PLXNA4: variants seen among roughly 807,000 people sequenced by gnomAD.
PLXNA4 encodes the protein plexin-A4.
In PLXNA4, 44 loss-of-function variants were observed where a neutral mutation model predicts 191.8. The ratio of observed to expected loss-of-function variants is 0.23; its 90% CI spans 0.18 to 0.29. The LOEUF is 0.29. Ranked by LOEUF, PLXNA4 falls within the 10% of genes least tolerant of loss-of-function variation. The pLI is 1.00. For missense variants in PLXNA4, 1,800 were observed against 2,488.8 expected (o/e 0.72, Z 5.89); for synonymous variants, 1,082 against 1,009.5 (o/e 1.07, Z -1.36).
intron 2 of PLXNA4, among the ~76,000 whole-genome samples, chr7:132,592,663 A>G (rs1434761749): frequency 3.3e-5 from 5 of 152,040 alleles, no homozygotes; most frequent in Non-Finnish European, 7.4e-5. Context: ...AATAAGAAAT[A>G]AGCCTCCAGA....
chr7:132,180,569 G>T lies in PLXNA4; in HGVS notation c.3639+17C>A, dbSNP rs200453597. 6 of 1,613,878 alleles carry T rather than the reference G, an allele frequency of 3.7e-6. No homozygotes were observed. Among genetic ancestry groups the T allele is most frequent in the Admixed American group, 1.7e-5 (1 of 59,994 alleles). ...CTACTGCCCGCTCCATCCAGGATGGGGTTCTGCCAGCCTCACCATCACTTT... is the reference window on the plus strand; with the variant it reads ...CTACTGCCCGCTCCATCCAGGATGGTGTTCTGCCAGCCTCACCATCACTTT... On this transcript the variant is annotated intron_variant, in intron 19 of 31. Transcript: ENST00000321063.
intron 20 of PLXNA4, among the ~76,000 whole-genome samples, chr7:132,178,488 A>G (rs1463721316): frequency 6.6e-6 from 1 of 152,194 alleles, no homozygotes; most frequent in Admixed American, 6.5e-5. Context: ...GCCACACATA[A>G]AAGAGATTCT....
rs780941934 is a variant in PLXNA4 at position 132,198,561 on chromosome 7, G to A, written c.2662C>T (p.Arg888Cys). Residue 888 changes from arginine to cysteine, a missense_variant, in exon 13 of 32, where the codon CGC becomes TGC. Around this residue, in one of 6 missense-constraint regions of PLXNA4, gnomAD observed 1,397 missense variants for 1,880.4 expected, o/e 0.74. Transcript: ENST00000321063. ...ACCTTGACATGGGAGGCGATGTCGC[G>A]AAATTCCAGGCCCAGGTTCTCCCCT... ...IRGENLGLEF[R>C]DIASHVKVAG... 4 of 1,614,254 alleles carry A rather than the reference G, an allele frequency of 2.5e-6. No individual in the cohort carries two copies. The highest frequency in any genetic ancestry group is 1.7e-5 in the Admixed American group (1 of 60,034).
At chr7:132,322,644 G>A (rs1053492674) in intron 3 of PLXNA4, among the ~76,000 whole-genome samples, 1 of 152,192 alleles carries the variant, frequency 6.6e-6, no homozygotes, top group Non-Finnish European at 1.5e-5. Flanking sequence ...ACCCCAAAAA[G>A]CACCTGGCCA....
chr7:132,443,686 G>A (rs149463670), intron 3 of PLXNA4, among the ~76,000 whole-genome samples: 225 of 152,318 alleles, frequency 1.5e-3, no homozygotes, highest in African/African-American at 5.0e-3. Flanking sequence ...CCTCACGTCT[G>A]CATCCTTTCT....
intron 1 of PLXNA4, among the ~76,000 whole-genome samples, chr7:132,565,581 T>C (rs1419755749): frequency 6.6e-6 from 1 of 152,096 alleles, no homozygotes. Flanking sequence ...GAATCAAATA[T>C]GGTCCAAGCA....
intron 2 of PLXNA4, among the ~76,000 whole-genome samples, chr7:132,606,667 C>T (rs993784073): frequency 3.3e-5 from 5 of 152,122 alleles, no homozygotes; most frequent in Admixed American, 6.5e-5. Context: ...CTAACTGAAC[C>T]ACCAAACTCA....
At chr7:132,621,275 T>A (rs1803260651) in intron 2 of PLXNA4, among the ~76,000 whole-genome samples, 2 of 150,928 alleles carry the variant, frequency 1.3e-5, no homozygotes, top group Admixed American at 1.3e-4. Context: ...TTTGTTTTTT[T>A]TTTTAGATGG....
At chr7:132,304,856 G>A (rs1801448039) in intron 3 of PLXNA4, among the ~76,000 whole-genome samples, 1 of 150,634 alleles carries the variant, frequency 6.6e-6, no homozygotes, top group Admixed American at 6.6e-5. Context: ...CTACAGCACA[G>A]TGCAGTGTGC....
chr7:132,571,074 A>G (rs550361409), intron 1 of PLXNA4, among the ~76,000 whole-genome samples: 3 of 152,288 alleles, frequency 2.0e-5, no homozygotes, highest in Non-Finnish European at 4.4e-5. Context: ...GCATGGAATA[A>G]AAGTTTGTCT....
rs111263620 is a variant in PLXNA4, at chr7:132,636,092, C to A, written c.-87+9836G>T. Among the ~76,000 whole-genome samples, 967 of 152,312 alleles carry A rather than the reference C, an allele frequency of 6.3e-3. 11 individuals carry two copies. The highest frequency in any genetic ancestry group is 0.01 in the Non-Finnish European group (684 of 68,024). ...GTGCATAGGGAGGTGTGAGGAAAAG[C>A]ATCCACTATCTTGCAATAACAATGG... On this transcript the variant is annotated intron_variant, in intron 2 of 4. Transcript: ENST00000378539.
chr7:132,272,151 C>T (rs148918312), intron 4 of PLXNA4, among the ~76,000 whole-genome samples: 1 of 152,290 alleles, frequency 6.6e-6, no homozygotes, highest in Non-Finnish European at 1.5e-5. Flanking sequence ...GCCAAGAACT[C>T]CAGGAATCAT....
Position 132,123,398 on chromosome 7 carries a change from T to G in PLXNA4, c.*7081A>C, listed in dbSNP as rs1794688485. On this transcript the variant is annotated 3_prime_UTR_variant, in exon 32 of 32. Transcript: ENST00000321063. ...TATATTACAAATAAGTTTTTTTTGT[T>G]CTGAACTGCAAAATAGGAATGCCTT... The G allele has an allele frequency of 6.6e-6, 1 of 152,208 alleles. No homozygotes were observed. The highest frequency in any genetic ancestry group is 2.4e-5 in the African/African-American group (1 of 41,462). 9.4% of individuals were successfully genotyped at this position (152,208 alleles called of 1,614,324 possible). A position where few individuals can be genotyped will look rare whatever the true frequency, so the allele number is the denominator to read the frequency against.
intron 2 of PLXNA4, among the ~76,000 whole-genome samples, chr7:132,644,427 T>A (rs1332720044): frequency 6.6e-6 from 1 of 152,230 alleles, no homozygotes; most frequent in East Asian, 1.9e-4. Context: ...TCGTGGCCTG[T>A]GTTCCTGGCT....
At chr7:132,196,037 A>C (rs752793951) in intron 13 of PLXNA4, among the ~76,000 whole-genome samples, 5 of 152,242 alleles carry the variant, frequency 3.3e-5, no homozygotes, top group African/African-American at 4.8e-5. Context: ...ACAAAATAGA[A>C]AGTACATAAA....
chr7:132,314,850 T>C (rs960198581), intron 3 of PLXNA4, among the ~76,000 whole-genome samples: 4 of 152,224 alleles, frequency 2.6e-5, no homozygotes, highest in African/African-American at 9.6e-5. Flanking sequence ...GCTTGTTGTG[T>C]TGCAAGACAC....
At chr7:132,257,822 A>G (rs898409842) in intron 4 of PLXNA4, among the ~76,000 whole-genome samples, 12 of 152,214 alleles carry the variant, frequency 7.9e-5, no homozygotes, top group African/African-American at 2.9e-4. Flanking sequence ...CTTTCCAGCT[A>G]TGCTGAAGAA....
intron 2 of PLXNA4, among the ~76,000 whole-genome samples, chr7:132,636,620 A>C (rs772124579): frequency 6.6e-6 from 1 of 152,168 alleles, no homozygotes; most frequent in Non-Finnish European, 1.5e-5. Context: ...CACCTGCCAA[A>C]ACCCTGCTCT....
At chr7:132,266,516 G>A (rs1287457748) in intron 4 of PLXNA4, among the ~76,000 whole-genome samples, 1 of 152,214 alleles carries the variant, frequency 6.6e-6, no homozygotes, top group Non-Finnish European at 1.5e-5. Context: ...AACTATGGCA[G>A]TCTTAAGATT....
Sources: gnomAD v4.1 joint callset for allele counts (sites outside exome capture counted in the v4.1 genomes callset) on GRCh38, gnomAD v4.1.1 for gene constraint, gnomAD v4.1.1 regional missense constraint, MANE v1.5 for transcripts, NCBI Gene and HGNC (gene_info 2026-07-23, HGNC 2026-07-21) for gene names.